The following DNAH14 variants were observed in gnomAD, a reference collection of about 807,000 sequenced individuals.
DNAH14 encodes dynein axonemal heavy chain 14.
In DNAH14, 478 loss-of-function variants were observed where a neutral mutation model predicts 520.9. The observed-to-expected ratio is 0.92, with a 90% CI of 0.85 to 0.99. The LOEUF (loss-of-function observed/expected upper bound fraction) is 0.99. Among genes scored for constraint, DNAH14 ranks in the 50% least tolerant of loss-of-function variants. The probability of loss-of-function intolerance (pLI) is 0.00; values close to 1 mark genes in which losing one functional copy is unlikely to be tolerated. For missense variants in DNAH14, 4,831 were observed against 5,234.5 expected (o/e 0.92, Z 2.38); for synonymous variants, 1,581 against 1,757.2 (o/e 0.90, Z 2.51).
intron 55 of DNAH14, among the ~76,000 whole-genome samples, chr1:225,290,641 GTGTGTGTATATATATATATA>G (rs1172740861): frequency 0.01 from 927 of 91,242 alleles, 52 homozygotes; most frequent in East Asian, 0.043. Flanking sequence ...ATGTGTGTGT[GTGTGTGTATATATATATATA>G]TATATATATA....
intron 2 of DNAH14, 108 bp downstream of exon 2, chr1:224,952,887 G>T: frequency 1.4e-6 from 1 of 725,670 alleles, no homozygotes; most frequent in Non-Finnish European, 2.1e-6. Context: ...TATCTTATCA[G>T]AATTTATTGA....
chr1:225,277,139 G>A (rs1454741827), intron 53 of DNAH14, among the ~76,000 whole-genome samples: 1 of 146,390 alleles, frequency 6.8e-6, no homozygotes, highest in Non-Finnish European at 1.5e-5. Flanking sequence ...GAAGGGGGAA[G>A]GGAGCCTAAA....
At chr1:225,039,846 C>T (rs1345907968) in intron 12 of DNAH14, among the ~76,000 whole-genome samples, 15 of 119,560 alleles carry the variant, frequency 1.3e-4, no homozygotes, top group Non-Finnish European at 2.2e-4. Flanking sequence ...CCACTGCACT[C>T]CAGCCTGGGC....
At chr1:225,226,494 G>A (rs1051840752) in intron 41 of DNAH14, among the ~76,000 whole-genome samples, 5 of 152,152 alleles carry the variant, frequency 3.3e-5, no homozygotes, top group East Asian at 1.9e-4. Context: ...GAACAAAGCC[G>A]GAAAAGTAAT....
chr1:225,231,882 A>G (rs1297869118), intron 42 of DNAH14, among the ~76,000 whole-genome samples: 1 of 152,152 alleles, frequency 6.6e-6, no homozygotes, highest in African/African-American at 2.4e-5. Flanking sequence ...AATTTTTATT[A>G]AATAGTGAAT....
intron 19 of DNAH14, among the ~76,000 whole-genome samples, chr1:225,081,198 T>C (rs1197445002): frequency 1.3e-5 from 2 of 152,316 alleles, no homozygotes; most frequent in East Asian, 3.9e-4. Flanking sequence ...TGTGAGAGCA[T>C]TTCTATAAGA....
intron 79 of DNAH14, among the ~76,000 whole-genome samples, chr1:225,377,654 C>T (rs775752511): frequency 3.3e-5 from 5 of 151,810 alleles, no homozygotes; most frequent in East Asian, 3.9e-4. Flanking sequence ...CAGTAACTTG[C>T]GAGGCTGAGA....
At chr1:224,967,831 T>C in intron 6 of DNAH14, 1 of 1,312,608 alleles carries the variant, frequency 7.6e-7, no homozygotes, top group Non-Finnish European at 9.7e-7. Flanking sequence ...TTGTTAATAC[T>C]TGGGGTAAAT....
chr1:224,952,528 G>A, intron 1 of DNAH14, 142 bp from the exon 2 acceptor site: 1 of 422,024 alleles, frequency 2.4e-6, no homozygotes. Context: ...AAATTATACT[G>A]TATATAAGAA....
intron 23 of DNAH14, among the ~76,000 whole-genome samples, chr1:225,108,057 A>C (rs1343979993): frequency 6.6e-6 from 1 of 152,192 alleles, no homozygotes; most frequent in Non-Finnish European, 1.5e-5. Context: ...TCCCACCCTC[A>C]ATCTGGGTAG....
chr1:225,120,428 C>T (rs1459488961), intron 26 of DNAH14, among the ~76,000 whole-genome samples: 2 of 152,168 alleles, frequency 1.3e-5, no homozygotes, highest in Non-Finnish European at 2.9e-5. Flanking sequence ...CTGCATGACC[C>T]CTAAACCGTA....
intron 81 of DNAH14, among the ~76,000 whole-genome samples, chr1:225,385,889 C>T (rs2095836016): frequency 6.6e-6 from 1 of 152,132 alleles, no homozygotes; most frequent in South Asian, 2.1e-4. Context: ...CTTTAAAGTT[C>T]ATATGGAACC....
chr1:225,034,463 T>C (rs2066783852), intron 11 of DNAH14, among the ~76,000 whole-genome samples: 1 of 152,006 alleles, frequency 6.6e-6, no homozygotes, highest in African/African-American at 2.4e-5. Flanking sequence ...AGTTTGCAGG[T>C]ATTTTGTTGA....
At chr1:225,307,645 T>C in intron 59 of DNAH14, 76 bp downstream of exon 59, 3 of 1,126,516 alleles carry the variant, frequency 2.7e-6, no homozygotes, top group Non-Finnish European at 2.4e-6. Flanking sequence ...AAGGCTCTGA[T>C]ACCTGACAAA....
At chr1:225,030,246 G>A (rs1241085629) in intron 11 of DNAH14, among the ~76,000 whole-genome samples, 1 of 151,776 alleles carries the variant, frequency 6.6e-6, no homozygotes, top group Non-Finnish European at 1.5e-5. Flanking sequence ...CTTACTATAG[G>A]CAGCAAAGGC....
chr1:225,114,639 G>C (rs1454220645), intron 23 of DNAH14, among the ~76,000 whole-genome samples: 1 of 152,170 alleles, frequency 6.6e-6, no homozygotes. Context: ...GCCCACAGAA[G>C]CAAGGCTTAC....
chr1:225,190,425 A>C (rs536565645), intron 37 of DNAH14, among the ~76,000 whole-genome samples: 43 of 152,130 alleles, frequency 2.8e-4, no homozygotes, highest in Admixed American at 1.0e-3. Context: ...GCAAGATTTC[A>C]TGTAACTACT....
intron 64 of DNAH14, among the ~76,000 whole-genome samples, chr1:225,330,551 G>C (rs2094773938): frequency 6.6e-6 from 1 of 152,124 alleles, no homozygotes; most frequent in Non-Finnish European, 1.5e-5. Context: ...AATAAGCCAG[G>C]TGCAGAAAGA....
At chr1:225,038,037 C>T (rs1335611713) in intron 11 of DNAH14, among the ~76,000 whole-genome samples, 1 of 152,168 alleles carries the variant, frequency 6.6e-6, no homozygotes, top group African/African-American at 2.4e-5. Context: ...AGTTTTGTGC[C>T]TTCAGATGAT....
Sources: allele counts gnomAD v4.1 joint callset (sites outside exome capture counted in the v4.1 genomes callset), GRCh38; gene constraint gnomAD v4.1.1; transcripts MANE v1.5; gene names NCBI Gene and HGNC (gene_info 2026-07-23, HGNC 2026-07-21).